The following NUBPL variants were observed in gnomAD, a reference collection of about 807,000 sequenced individuals.
NUBPL encodes the protein NUBP iron-sulfur cluster assembly factor, mitochondrial.
NUBPL carries 31 observed loss-of-function variants against 45.7 expected under a neutral mutation model. The observed-to-expected ratio is 0.68, with a 90% confidence interval of 0.51 to 0.92. The LOEUF (loss-of-function observed/expected upper bound fraction) is 0.92, where lower values mean the gene tolerates loss of function less well. Among genes scored for constraint, NUBPL ranks in the 40% least tolerant of loss-of-function variants. NUBPL has a pLI of 0.00. For missense variants in NUBPL, 401 were observed against 398.7 expected (o/e 1.01, Z -0.05); for synonymous variants, 144 against 140.9 (o/e 1.02, Z -0.15).
At chr14:31,729,831 A>G (rs1041549408) in intron 6 of NUBPL, among the ~76,000 whole-genome samples, 3 of 152,160 alleles carry the variant, frequency 2.0e-5, no homozygotes, top group East Asian at 1.9e-4. Flanking sequence ...CAGTGTTTAT[A>G]TCTCTTAATT....
intron 3 of NUBPL, among the ~76,000 whole-genome samples, chr14:31,594,130 A>AT (rs2034221790): frequency 6.6e-6 from 1 of 152,080 alleles, no homozygotes; most frequent in Non-Finnish European, 1.5e-5. Context: ...TTTGAAATTG[A>AT]TTATTGGCCA....
rs558795657 is a variant in NUBPL at position 31,665,459 on chromosome 14, T to C, written c.383-7896T>C. On this transcript the variant is annotated intron_variant, in intron 4 of 10. Transcript: ENST00000281081. Reference sequence around the variant, plus strand: ...ATTGGTTTCAAAGAACTGATTTATTTCTGTCTTAATTTCATTATTTACCCA... The same window carrying C: ...ATTGGTTTCAAAGAACTGATTTATTCCTGTCTTAATTTCATTATTTACCCA... 1.4e-4 allele frequency among the ~76,000 whole-genome samples: 21 copies of C among 152,336 alleles called. No homozygotes were observed. In the South Asian group the frequency reaches 3.7e-3, roughly 27 times the overall value.
chr14:31,750,164 C>T (rs1050592538), intron 6 of NUBPL, among the ~76,000 whole-genome samples: 3 of 131,944 alleles, frequency 2.3e-5, no homozygotes, highest in Admixed American at 8.5e-5. Flanking sequence ...AATTTTCTTA[C>T]AATCATTATT....
chr14:31,798,461 T>C (rs2039511435), intron 7 of NUBPL, among the ~76,000 whole-genome samples: 1 of 151,794 alleles, frequency 6.6e-6, no homozygotes, highest in Non-Finnish European at 1.5e-5. Context: ...CTAATGAGAA[T>C]AATTAGTATT....
At chr14:31,838,724 G>A (rs545557583) in intron 8 of NUBPL, among the ~76,000 whole-genome samples, 2 of 152,082 alleles carry the variant, frequency 1.3e-5, no homozygotes, top group South Asian at 2.1e-4. Context: ...TGATGGAAAA[G>A]GTTAAAAATA....
At position 31,841,917 on chromosome 14, in the gene NUBPL, C is replaced by CTTTTGTTTTTGTTTTTTTTT; in HGVS notation, c.694-4550_694-4549insGTTTTTGTTTTTTTTTTTTT. On this transcript the variant is annotated intron_variant, in intron 8 of 10. Transcript: ENST00000281081. ...CTTTCATGTATGGGTCGATTCTGGG[C>CTTTTGTTTTTGTTTTTTTTT]TTTTTTTTTTTTTTTTTTTTTTTTT... Among the ~76,000 whole-genome samples the CTTTTGTTTTTGTTTTTTTTT allele has an allele frequency of 7.0e-4, 30 of 43,050 alleles. 4 individuals are homozygous for CTTTTGTTTTTGTTTTTTTTT. The highest frequency in any genetic ancestry group is 1.9e-3 in the South Asian group (2 of 1,032). 28.2% of individuals were successfully genotyped at this position (43,050 alleles called of 152,430 possible). A position where few individuals can be genotyped will look rare whatever the true frequency, so the allele number is the denominator to read the frequency against.
At chr14:31,845,029 G>C (rs376771497) in intron 8 of NUBPL, 59 of 152,112 alleles carry the variant, frequency 3.9e-4, no homozygotes, top group African/African-American at 1.3e-3. Flanking sequence ...CCCTCCCCCC[G>C]CCACTGCATA....
chr14:31,704,118 C>G (rs12892973), intron 6 of NUBPL, among the ~76,000 whole-genome samples: 1 of 151,894 alleles, frequency 6.6e-6, no homozygotes, highest in Non-Finnish European at 1.5e-5. Context: ...TTTCTGCTGA[C>G]AGAGGGGTGG....
At chr14:31,657,946 T>G (rs537514830) in intron 4 of NUBPL, among the ~76,000 whole-genome samples, 1 of 152,182 alleles carries the variant, frequency 6.6e-6, no homozygotes, top group Non-Finnish European at 1.5e-5. Flanking sequence ...ATCATATGAA[T>G]TTGATAAGGC....
chr14:31,636,608 A>G (rs943204634), intron 4 of NUBPL, among the ~76,000 whole-genome samples: 3 of 152,208 alleles, frequency 2.0e-5, no homozygotes, highest in Non-Finnish European at 2.9e-5. Context: ...GCCTCATAAA[A>G]TGAGTTAGGA....
intron 4 of NUBPL, among the ~76,000 whole-genome samples, chr14:31,672,947 C>G (rs1476771608): frequency 6.6e-6 from 1 of 152,032 alleles, no homozygotes; most frequent in Non-Finnish European, 1.5e-5. Context: ...TTCTTTGATC[C>G]TGGAAGGATG....
At chr14:31,785,650 G>T (rs1298946487) in intron 6 of NUBPL, among the ~76,000 whole-genome samples, 3 of 152,102 alleles carry the variant, frequency 2.0e-5, no homozygotes, top group Non-Finnish European at 2.9e-5. Context: ...TGATTTGTTT[G>T]TCTGTCTATC....
At chr14:31,834,221 G>GCC (rs530354175) in intron 8 of NUBPL, among the ~76,000 whole-genome samples, 1 of 126,616 alleles carries the variant, frequency 7.9e-6, no homozygotes, top group East Asian at 2.3e-4. Context: ...TTGCTCTGTC[G>GCC]CCAGGCTGGA....
At chr14:31,660,843 C>T (rs1170465084) in intron 4 of NUBPL, among the ~76,000 whole-genome samples, 2 of 152,148 alleles carry the variant, frequency 1.3e-5, no homozygotes, top group East Asian at 1.9e-4. Flanking sequence ...TACATGGTGA[C>T]ATCTACTACA....
chr14:31,623,614 G>A (rs918237322), intron 4 of NUBPL, among the ~76,000 whole-genome samples: 1 of 152,166 alleles, frequency 6.6e-6, no homozygotes, highest in South Asian at 2.1e-4. Context: ...TGTAGGACGT[G>A]CTTTGCTTCC....
In NUBPL at chr14:31,698,168, G is replaced by A. The variant is rs115234030; in HGVS notation, c.513+24594G>A. 6.5e-3 allele frequency among the ~76,000 whole-genome samples: 995 copies of A among 152,192 alleles called. 11 individuals are homozygous for A. The highest frequency in any genetic ancestry group is 0.022 in the African/African-American group (932 of 41,528). ...TCAGTAACATCTTGGCATTGTGTCA[G>A]TTTAATATTTAGCATTGTTTTCTTT... On this transcript the variant is annotated intron_variant, in intron 6 of 10. Coordinates refer to ENST00000281081, the MANE Select transcript of NUBPL (RefSeq NM_025152.3).
intron 6 of NUBPL, among the ~76,000 whole-genome samples, chr14:31,765,648 G>A (rs1439205489): frequency 7.4e-6 from 1 of 135,234 alleles, no homozygotes; most frequent in Non-Finnish European, 1.6e-5. Context: ...TTTTTTTTTT[G>A]CCTTAAAACA....
At chr14:31,621,781 C>T (rs183292742) in intron 4 of NUBPL, among the ~76,000 whole-genome samples, 23 of 152,240 alleles carry the variant, frequency 1.5e-4, no homozygotes, top group Middle Eastern at 6.8e-3. Context: ...AATAAAGTAC[C>T]CAGTCTTAGG....
intron 4 of NUBPL, among the ~76,000 whole-genome samples, chr14:31,654,890 T>C (rs983523750): frequency 1.3e-5 from 2 of 152,236 alleles, no homozygotes; most frequent in African/African-American, 2.4e-5. Flanking sequence ...TAAGTTTATA[T>C]AACATTCTAA....
Sources: allele counts gnomAD v4.1 joint callset (sites outside exome capture counted in the v4.1 genomes callset), GRCh38; gene constraint gnomAD v4.1.1; transcripts MANE v1.5; gene names NCBI Gene and HGNC (gene_info 2026-07-23, HGNC 2026-07-21).